Variants in TTC34 observed in about 807,000 individuals in gnomAD.
TTC34 encodes the protein tetratricopeptide repeat protein 34.
A neutral mutation model predicts 40.7 loss-of-function variants in TTC34; 44 were observed. That is an observed-to-expected ratio of 1.08 (90% CI 0.85 to 1.39). The LOEUF is 1.39. Ranked by LOEUF, TTC34 falls within the 40% of genes most tolerant of loss-of-function variation. The probability of loss-of-function intolerance (pLI) is 0.00; values close to 1 mark genes in which losing one functional copy is unlikely to be tolerated. For synonymous variants in TTC34, 422 were observed against 398.6 expected, an observed-to-expected ratio of 1.06 and a Z score of -0.70; for missense variants, 884 against 838.0, an observed-to-expected ratio of 1.05 and a Z score of -0.68.
chr1:2,792,275 T>C (rs1643672678), intron 2 of TTC34, among the ~76,000 whole-genome samples: 1 of 151,966 alleles, frequency 6.6e-6, no homozygotes, highest in Non-Finnish European at 1.5e-5. Context: ...CTGGTACTCC[T>C]TTTTATAAGG....
intron 6 of TTC34, among the ~76,000 whole-genome samples, chr1:2,749,451 T>C (rs1227080094): frequency 4.9e-3 from 383 of 78,918 alleles, no homozygotes; most frequent in South Asian, 8.2e-3. Context: ...CACCCCCAGG[T>C]GAGCATCTGA....
chr1:2,798,128 C>T (rs1236950242), intron 2 of TTC34, among the ~76,000 whole-genome samples: 2 of 141,786 alleles, frequency 1.4e-5, no homozygotes, highest in Non-Finnish European at 3.1e-5. Flanking sequence ...TCCCCAGCCC[C>T]CCAGCCTCCC....
exon 9 of TTC34, chr1:2,641,650 C>T (rs1335884660): frequency 6.5e-7 from 1 of 1,535,342 alleles, no homozygotes; most frequent in Non-Finnish European, 8.7e-7. Context: ...GGCTCAGCAG[C>T]AGGCGACCCT....
At chr1:2,688,475 G>T (rs1640476225) in intron 6 of TTC34, among the ~76,000 whole-genome samples, 1 of 144,764 alleles carries the variant, frequency 6.9e-6, no homozygotes, top group African/African-American at 2.8e-5. Context: ...CGACATTGTG[G>T]AGCAGCACCC....
intron 6 of TTC34, among the ~76,000 whole-genome samples, chr1:2,753,825 T>G (rs1262475115): frequency 6.5e-3 from 270 of 41,632 alleles, no homozygotes; most frequent in African/African-American, 0.02. Context: ...CAACCACAGG[T>G]GAGCATCGGA....
At chr1:2,759,947 GAA>G (rs1641640146) in intron 6 of TTC34, among the ~76,000 whole-genome samples, 2 of 64,588 alleles carry the variant, frequency 3.1e-5, no homozygotes, top group African/African-American at 7.1e-5. Flanking sequence ...TGACAGCCTG[GAA>G]AGGCACCCAC....
At chr1:2,769,541 C>T (rs1426536212) in intron 6 of TTC34, among the ~76,000 whole-genome samples, 5 of 118,656 alleles carry the variant, frequency 4.2e-5, no homozygotes, top group Non-Finnish European at 8.5e-5. Context: ...TGGAGCAGCA[C>T]CCCACACCTC....
intron 3 of TTC34, 91 bp from the exon 4 acceptor site, chr1:2,787,797 T>G (rs80083114): frequency 2.6e-6 from 3 of 1,153,456 alleles, no homozygotes; most frequent in Non-Finnish European, 3.6e-6. Context: ...CCCGTCTCCA[T>G]GTACCTGGCC....
At chr1:2,698,916 GTAGTATC>G (rs1557631252) in intron 6 of TTC34, among the ~76,000 whole-genome samples, 145 of 103,574 alleles carry the variant, frequency 1.4e-3, no homozygotes, top group Middle Eastern at 7.4e-3. Flanking sequence ...ACAGCCTGGA[GTAGTATC>G]CTGCACCCTC....
rs1341020347 is a variant in TTC34 at position 2,796,249 on chromosome 1, G to A, written c.784+3795C>T. Among the ~76,000 whole-genome samples the A allele has an allele frequency of 2.6e-5, 4 of 152,200 alleles. No homozygotes were observed. The highest frequency in any genetic ancestry group is 2.1e-4 in the South Asian group (1 of 4,826). On this transcript the variant is annotated intron_variant, in intron 2 of 8. Coordinates refer to ENST00000401095, the Ensembl canonical transcript of TTC34. The surrounding 1 kb of genome is among the most constrained non-coding windows in gnomAD (Gnocchi z 4.5). ...TCTGTCACAGCAGCACAAATGGAGC[G>A]ACTGGTTTGTGCAATGTTTCCAAGG...
At chr1:2,777,493 C>G (rs1347528290) in intron 6 of TTC34, among the ~76,000 whole-genome samples, 2 of 152,202 alleles carry the variant, frequency 1.3e-5, no homozygotes, top group African/African-American at 2.4e-5. Flanking sequence ...ATGTGCTGTC[C>G]TTTTCCACCA....
intron 6 of TTC34, among the ~76,000 whole-genome samples, chr1:2,699,401 A>T (rs1020017538): frequency 1.0e-5 from 1 of 99,470 alleles, no homozygotes; most frequent in Non-Finnish European, 2.3e-5. Flanking sequence ...AGCCTGGAAC[A>T]GCACCCCACA....
chr1:2,693,813 A>G (rs1217838704), intron 6 of TTC34, among the ~76,000 whole-genome samples: 1 of 139,630 alleles, frequency 7.2e-6, no homozygotes. Flanking sequence ...GATGGTCTGG[A>G]GCAGCACCCA....
exon 9 of TTC34, chr1:2,638,977 T>C (rs1238401771): frequency 1.3e-5 from 2 of 152,300 alleles, no homozygotes; most frequent in African/African-American, 4.8e-5. Context: ...GCTCGCTCTC[T>C]AGTGAGGATC....
exon 5 of TTC34, chr1:2,785,993 T>C: frequency 4.0e-6 from 6 of 1,497,770 alleles, no homozygotes; most frequent in East Asian, 2.5e-5. Flanking sequence ...AGGCAGGCGG[T>C]GTCACCAGAC....
intron 6 of TTC34, among the ~76,000 whole-genome samples, chr1:2,683,469 A>G (rs1377946066): frequency 9.2e-5 from 14 of 151,472 alleles, no homozygotes; most frequent in African/African-American, 3.2e-4. Context: ...AGCAGCACCC[A>G]CACCACCAGG....
At chr1:2,786,299 G>A (rs2100625132) in intron 4 of TTC34, among the ~76,000 whole-genome samples, 1 of 152,362 alleles carries the variant, frequency 6.6e-6, no homozygotes, top group East Asian at 1.9e-4. Flanking sequence ...CCCTGGCTGT[G>A]TGTCCATGAG....
At chr1:2,784,079 G>A (rs1409404447) in intron 5 of TTC34, among the ~76,000 whole-genome samples, 3 of 152,114 alleles carry the variant, frequency 2.0e-5, no homozygotes, top group Non-Finnish European at 4.4e-5. Flanking sequence ...ATCAAGACGC[G>A]GAGACCGGTA....
chr1:2,782,401 G>C (rs1643497542), intron 6 of TTC34, among the ~76,000 whole-genome samples: 1 of 152,004 alleles, frequency 6.6e-6, no homozygotes, highest in Admixed American at 6.6e-5. Context: ...AGTCCACCTG[G>C]CAAAAGGTTT....
Sources: allele counts gnomAD v4.1 joint callset (sites outside exome capture counted in the v4.1 genomes callset), GRCh38; gene constraint gnomAD v4.1.1; non-coding constraint Gnocchi (gnomAD v3.1); transcripts MANE v1.5; gene names NCBI Gene and HGNC (gene_info 2026-07-23, HGNC 2026-07-21).